The following CXCL13 variants were observed in gnomAD, a reference collection of about 807,000 sequenced individuals.
The protein encoded by CXCL13 is C-X-C motif chemokine 13.
A neutral mutation model predicts 12.2 loss-of-function variants in CXCL13; 7 were observed. The observed-to-expected ratio is 0.57, with a 90% CI of 0.33 to 1.07. The LOEUF (loss-of-function observed/expected upper bound fraction) is 1.07, where lower values mean the gene tolerates loss of function less well. Among genes scored for constraint, CXCL13 ranks in the 50% least tolerant of loss-of-function variants. CXCL13 has a pLI of 0.04. For missense variants in CXCL13, 113 were observed against 127.4 expected (o/e 0.89, Z 0.55); for synonymous variants, 47 against 42.4 (o/e 1.11, Z -0.42).
chr4:77,596,240 T>C (rs1163303670), intron 1 of CXCL13, among the ~76,000 whole-genome samples: 3 of 152,188 alleles, frequency 2.0e-5, no homozygotes, highest in African/African-American at 7.2e-5. Context: ...CCAAAATTGC[T>C]AGGTATAGGT....
At chr4:77,569,756 A>T (rs1726022202) in intron 1 of CXCL13, among the ~76,000 whole-genome samples, 1 of 152,236 alleles carries the variant, frequency 6.6e-6, no homozygotes, top group Non-Finnish European at 1.5e-5. Flanking sequence ...GACATTCTTC[A>T]CAGAACTAGA....
At chr4:77,589,813 A>G (rs1578068005) in intron 1 of CXCL13, among the ~76,000 whole-genome samples, 1 of 152,220 alleles carries the variant, frequency 6.6e-6, no homozygotes, top group African/African-American at 2.4e-5. Flanking sequence ...CAAGCTGTCT[A>G]GTGCTTCTTT....
intron 1 of CXCL13, among the ~76,000 whole-genome samples, chr4:77,554,388 C>T (rs1725609489): frequency 6.6e-6 from 1 of 152,118 alleles, no homozygotes; most frequent in South Asian, 2.1e-4. Context: ...ATGATGATAA[C>T]AGAGTATTTA....
At chr4:77,543,704 A>G (rs1184923920) in intron 1 of CXCL13, among the ~76,000 whole-genome samples, 1 of 151,898 alleles carries the variant, frequency 6.6e-6, no homozygotes, top group South Asian at 2.1e-4. Flanking sequence ...TTTTATTCCA[A>G]TATGGTCTGA....
In CXCL13 at chr4:77,596,990, G is replaced by A. The variant is rs144607603; in HGVS notation, c.-42-8834G>A. ...AGTATTATTCAGCCTTTAAAAAGAT[G>A]AAAATGCTGCCATTTGCAAGAACAC... is the stretch of plus-strand genomic sequence containing the variant. On this transcript the variant is annotated intron_variant, in intron 1 of 4. Transcript: ENST00000286758. Among the ~76,000 whole-genome samples the A allele has an allele frequency of 3.2e-4, 48 of 152,176 alleles. No homozygotes were observed. The East Asian group carries it at 9.3e-3, about 29-fold the overall frequency.
chr4:77,532,066 T>C (rs1020326430), intron 1 of CXCL13, among the ~76,000 whole-genome samples: 21 of 152,214 alleles, frequency 1.4e-4, no homozygotes, highest in Admixed American at 9.8e-4. Flanking sequence ...AATATTGTTA[T>C]GTGTGAATTT....
At chr4:77,516,136 A>C (rs1221734400) in intron 1 of CXCL13, among the ~76,000 whole-genome samples, 1 of 152,142 alleles carries the variant, frequency 6.6e-6, no homozygotes, top group Non-Finnish European at 1.5e-5. Context: ...ATCGAACCAG[A>C]CTTGCATCCC....
intron 1 of CXCL13, among the ~76,000 whole-genome samples, chr4:77,596,750 A>G (rs2109833613): frequency 6.7e-6 from 1 of 148,168 alleles, no homozygotes; most frequent in South Asian, 2.2e-4. Flanking sequence ...GCGCCATTGC[A>G]CTCTAGCCTG....
intron 1 of CXCL13, among the ~76,000 whole-genome samples, chr4:77,606,825 T>A (rs1032964211): frequency 1.3e-5 from 2 of 152,204 alleles, no homozygotes; most frequent in Non-Finnish European, 2.9e-5. Context: ...TATTTATAAA[T>A]GTATGTCAAG....
intron 1 of CXCL13, among the ~76,000 whole-genome samples, chr4:77,526,834 A>T (rs1724778379): frequency 6.6e-6 from 1 of 152,204 alleles, no homozygotes; most frequent in Non-Finnish European, 1.5e-5. Flanking sequence ...CTTTGAGCTG[A>T]GACCCAAAGC....
chr4:77,537,682 C>T (rs1164360795), intron 1 of CXCL13, among the ~76,000 whole-genome samples: 2 of 152,120 alleles, frequency 1.3e-5, no homozygotes, highest in East Asian at 3.9e-4. Flanking sequence ...TACTGTGTTC[C>T]ATGTCCCAGC....
intron 1 of CXCL13, among the ~76,000 whole-genome samples, chr4:77,517,633 T>G (rs1025668974): frequency 2.6e-5 from 4 of 152,240 alleles, no homozygotes; most frequent in Non-Finnish European, 4.4e-5. Flanking sequence ...TTGCAGCCCC[T>G]GCCTTTTTTT....
intron 1 of CXCL13, among the ~76,000 whole-genome samples, chr4:77,597,614 T>C (rs2109833988): frequency 6.6e-6 from 1 of 152,232 alleles, no homozygotes; most frequent in East Asian, 1.9e-4. Context: ...CTTAGAAAAG[T>C]GAAATTCTCA....
At chr4:77,516,041 C>T (rs931185214) in intron 1 of CXCL13, among the ~76,000 whole-genome samples, 2 of 152,142 alleles carry the variant, frequency 1.3e-5, no homozygotes, top group Non-Finnish European at 2.9e-5. Flanking sequence ...TTGTCAAAGG[C>T]CTTTTCTGCA....
At chr4:77,547,660 A>G (rs548574924) in intron 1 of CXCL13, among the ~76,000 whole-genome samples, 15 of 152,250 alleles carry the variant, frequency 9.9e-5, no homozygotes, top group Non-Finnish European at 1.3e-4. Context: ...TGAATACAGC[A>G]CACTGATGGG....
At chr4:77,550,094 C>T (rs1391783029) in intron 1 of CXCL13, among the ~76,000 whole-genome samples, 1 of 152,212 alleles carries the variant, frequency 6.6e-6, no homozygotes, top group Non-Finnish European at 1.5e-5. Flanking sequence ...AGTTCAATCT[C>T]AAACTGCTGT....
intron 1 of CXCL13, among the ~76,000 whole-genome samples, chr4:77,549,184 C>T (rs982176423): frequency 3.9e-5 from 6 of 152,188 alleles, no homozygotes; most frequent in Admixed American, 6.5e-5. Flanking sequence ...TTTTCAGCTC[C>T]GTCAGGTCAT....
chr4:77,595,893 C>T (rs1477933913), intron 1 of CXCL13, among the ~76,000 whole-genome samples: 3 of 152,138 alleles, frequency 2.0e-5, no homozygotes, highest in African/African-American at 7.2e-5. Context: ...ACAATGTCCC[C>T]TGGGCTCCAA....
chr4:77,530,832 G>T (rs571917206), intron 1 of CXCL13, among the ~76,000 whole-genome samples: 2 of 152,100 alleles, frequency 1.3e-5, no homozygotes, highest in Non-Finnish European at 2.9e-5. Flanking sequence ...GTATGTGTTT[G>T]TTCTTGCTTC....
Sources: allele counts gnomAD v4.1 joint callset (sites outside exome capture counted in the v4.1 genomes callset), GRCh38; gene constraint gnomAD v4.1.1; transcripts MANE v1.5; gene names NCBI Gene and HGNC (gene_info 2026-07-23, HGNC 2026-07-21).